RUNX2: variants seen among roughly 807,000 people sequenced by gnomAD.
RUNX2 encodes the protein runt-related transcription factor 2.
In RUNX2, 10 loss-of-function variants were observed where a neutral mutation model predicts 51.7. That is an observed-to-expected ratio of 0.19 (90% CI 0.12 to 0.33). The LOEUF (loss-of-function observed/expected upper bound fraction) is 0.33, where lower values mean the gene tolerates loss of function less well. RUNX2 is among the 10% of genes least tolerant of loss of function. The pLI is 1.00. For synonymous variants in RUNX2, 276 were observed against 273.6 expected, an observed-to-expected ratio of 1.01 and a Z score of -0.09; for missense variants, 562 against 691.3, an observed-to-expected ratio of 0.81 and a Z score of 2.10.
intron 2 of RUNX2, among the ~76,000 whole-genome samples, chr6:45,338,654 AATTT>A (rs2150121880): frequency 6.6e-6 from 1 of 152,262 alleles, no homozygotes; most frequent in African/African-American, 2.4e-5. Flanking sequence ...TCAAATAGTT[AATTT>A]ATTTTTATAC....
chr6:45,431,897 T>C lies in RUNX2; in HGVS notation c.458T>C (p.Val153Ala). The C allele has an allele frequency of 6.2e-7, 1 of 1,614,208 alleles. No homozygotes were observed. ...CTCGGAGAGGTACCAGATGGGACTG[T>C]GGTTACTGTCATGGCGGGTAACGAT... ...VALGEVPDGT[V>A]VTVMAGNDEN... Residue 153 changes from valine (V) to alanine (A), a missense_variant, in exon 4 of 9, where the codon GTG (valine) becomes GCG (alanine). By Grantham distance (64) the Val-to-Ala change is moderately conservative. Coordinates refer to ENST00000647337, the MANE Select transcript of RUNX2 (RefSeq NM_001024630.4).
chr6:45,546,727 GA>G, intron 8 of RUNX2, 99 bp from the exon 9 acceptor site: 1 of 1,067,580 alleles, frequency 9.4e-7, no homozygotes, highest in South Asian at 1.3e-5. Context: ...TCCTTTATGG[GA>G]AAGCTAAAGT....
At chr6:45,490,000 G>A (rs1228172463) in intron 5 of RUNX2, among the ~76,000 whole-genome samples, 1 of 152,132 alleles carries the variant, frequency 6.6e-6, no homozygotes, top group East Asian at 1.9e-4. Context: ...GAAGAGGAAG[G>A]GAAGAGAAAG....
intron 5 of RUNX2, among the ~76,000 whole-genome samples, chr6:45,486,834 C>T (rs1436833956): frequency 2.0e-5 from 3 of 152,196 alleles, no homozygotes; most frequent in Non-Finnish European, 4.4e-5. Flanking sequence ...AAATGGGTCA[C>T]ATCACACAGA....
At chr6:45,539,973 T>C (rs1238409698) in intron 7 of RUNX2, among the ~76,000 whole-genome samples, 1 of 152,226 alleles carries the variant, frequency 6.6e-6, no homozygotes, top group African/African-American at 2.4e-5. Context: ...AGAATTTGTG[T>C]GCCCAGGAAA....
At position 45,547,149 on chromosome 6, in the gene RUNX2, T is replaced by A. The variant is rs753012526; in HGVS notation, c.1410T>A (p.Leu470=). ...GAGACCGGTCTCCTTCCAGAATGCT[T>A]CCGCCATGCACCACCACCTCGAATG... The part of the protein sequence containing the change: ...PGGDRSPSRM[L]PPCTTTSNGS... The change falls in exon 9 of 9, where the codon CTT becomes CTA. Residue 470 remains leucine (L), a synonymous_variant. Coordinates refer to ENST00000647337, the MANE Select transcript of RUNX2 (RefSeq NM_001024630.4). The A allele has an allele frequency of 6.2e-7, 1 of 1,614,084 alleles. No homozygotes were observed. The highest frequency in any genetic ancestry group is 8.5e-7 in the Non-Finnish European group (1 of 1,180,022).
intron 7 of RUNX2, among the ~76,000 whole-genome samples, chr6:45,521,890 C>G (rs764665862): frequency 5.3e-5 from 8 of 152,146 alleles, no homozygotes; most frequent in Non-Finnish European, 8.8e-5. Flanking sequence ...CTTTTGGTGA[C>G]CATATTACAC....
chr6:45,547,260 G>A lies in RUNX2; in HGVS notation c.1521G>A (p.Leu507=). Residue 507 remains leucine (L), a synonymous_variant, in exon 9 of 9, where the codon TTG becomes TTA. Coordinates refer to ENST00000647337, the MANE Select transcript of RUNX2 (RefSeq NM_001024630.4). The stretch of plus-strand genomic sequence containing the variant: ...GCCACAGCAGTTCCCCAACTGTTTT[G>A]AATTCTAGTGGCAGAATGGATGAAT... ...DGSHSSSPTV[L]NSSGRMDESV... is the part of the protein sequence containing the mutation. 1 of 1,614,168 alleles carries A rather than the reference G, an allele frequency of 6.2e-7. No individual in the cohort carries two copies. Among genetic ancestry groups the A allele is most frequent in the Non-Finnish European group, 8.5e-7 (1 of 1,180,028 alleles).
At chr6:45,467,479 A>G (rs1194901845) in intron 5 of RUNX2, among the ~76,000 whole-genome samples, 1 of 151,954 alleles carries the variant, frequency 6.6e-6, no homozygotes, top group African/African-American at 2.4e-5. Context: ...GTGGGGTTTC[A>G]CTATGTTGGC....
At chr6:45,525,285 G>A (rs1185290086) in intron 7 of RUNX2, among the ~76,000 whole-genome samples, 3 of 152,218 alleles carry the variant, frequency 2.0e-5, no homozygotes, top group African/African-American at 7.2e-5. Flanking sequence ...CCAGTAGGTG[G>A]TTGAAACTTT....
At chr6:45,450,170 A>G (rs1239680409) in intron 5 of RUNX2, among the ~76,000 whole-genome samples, 1 of 152,192 alleles carries the variant, frequency 6.6e-6, no homozygotes, top group African/African-American at 2.4e-5. Flanking sequence ...AAGGAGCATG[A>G]CAATAGAACC....
chr6:45,489,670 C>T (rs1800397451), intron 5 of RUNX2, among the ~76,000 whole-genome samples: 1 of 152,010 alleles, frequency 6.6e-6, no homozygotes, highest in African/African-American at 2.4e-5. Flanking sequence ...ACAGCTGTAT[C>T]AACACCACAC....
chr6:45,346,631 G>A (rs919216529), intron 2 of RUNX2, among the ~76,000 whole-genome samples: 6 of 149,876 alleles, frequency 4.0e-5, no homozygotes, highest in South Asian at 2.1e-4. Flanking sequence ...GCAGTGGTGC[G>A]ATCTCGGCTC....
intron 2 of RUNX2, among the ~76,000 whole-genome samples, chr6:45,388,521 C>T (rs141887016): frequency 1.4e-4 from 22 of 152,314 alleles, no homozygotes; most frequent in African/African-American, 5.3e-4. Context: ...GTTCAGCAAT[C>T]TAACTTAACA....
chr6:45,402,746 C>T (rs182840292), intron 2 of RUNX2, among the ~76,000 whole-genome samples: 275 of 152,142 alleles, frequency 1.8e-3, no homozygotes, highest in African/African-American at 6.1e-3. Context: ...GTGACATGCT[C>T]CTGTGGTCCC....
At chr6:45,372,155 G>C (rs1358910223) in intron 2 of RUNX2, 2 of 381,908 alleles carry the variant, frequency 5.2e-6, no homozygotes, top group Non-Finnish European at 7.2e-6. Context: ...AGGCTCTGGA[G>C]TTAAATTATA....
chr6:45,382,738 C>A (rs115987279), intron 2 of RUNX2, among the ~76,000 whole-genome samples: 1 of 152,094 alleles, frequency 6.6e-6, no homozygotes, highest in South Asian at 2.1e-4. Flanking sequence ...AGATTGACAT[C>A]GTAAGATTTA....
chr6:45,410,492 A>G (rs1797926830), intron 2 of RUNX2, among the ~76,000 whole-genome samples: 1 of 152,256 alleles, frequency 6.6e-6, no homozygotes, highest in African/African-American at 2.4e-5. Context: ...TCATTCATCA[A>G]CTAATATATA....
chr6:45,472,523 G>T (rs1331673009), intron 5 of RUNX2, among the ~76,000 whole-genome samples: 1 of 152,230 alleles, frequency 6.6e-6, no homozygotes, highest in Non-Finnish European at 1.5e-5. Flanking sequence ...ATGCCCAGCT[G>T]TGGAAGATAT....
Sources: gnomAD v4.1 joint callset for allele counts (sites outside exome capture counted in the v4.1 genomes callset) on GRCh38, gnomAD v4.1.1 for gene constraint, MANE v1.5 for transcripts, NCBI Gene and HGNC (gene_info 2026-07-23, HGNC 2026-07-21) for gene names.